Variants in NXN observed in about 807,000 individuals in gnomAD.
The protein encoded by NXN is nucleoredoxin 1.
Under a neutral mutation model 48.6 loss-of-function variants are expected in NXN, and 16 were observed. That is an observed-to-expected ratio of 0.33 (90% CI 0.22 to 0.50). NXN has a LOEUF of 0.50. Among genes scored for constraint, NXN ranks in the 20% least tolerant of loss-of-function variants. The probability of loss-of-function intolerance (pLI) is 0.98; values close to 1 mark genes in which losing one functional copy is unlikely to be tolerated. For missense variants in NXN, 492 were observed against 605.5 expected (o/e 0.81, Z 1.97); for synonymous variants, 281 against 269.6 (o/e 1.04, Z -0.41).
At position 823,819 on chromosome 17, in the gene NXN, G is replaced by C; in HGVS notation, c.479-54C>G. 3.1e-6 allele frequency: 5 copies of C among 1,602,074 alleles called. No individual in the cohort carries two copies. The South Asian group carries it at 5.5e-5, about 18-fold the overall frequency. On this transcript the variant is annotated intron_variant, in intron 2 of 7. Transcript: ENST00000336868. ...GGCTTAGACCCTTCTTGATGACCTG[G>C]GACCCAGGAGACTTCAGAGCGGTTA... is the stretch of plus-strand genomic sequence containing the variant.
At chr17:875,596 GTGTTTT>G (rs1298973278) in intron 1 of NXN, among the ~76,000 whole-genome samples, 1 of 151,600 alleles carries the variant, frequency 6.6e-6, no homozygotes, top group African/African-American at 2.4e-5. Flanking sequence ...TTTGGTTGTG[GTGTTTT>G]TGTTTTTGTT....
rs190460591 is a variant in NXN, at chr17:919,955, C to A, written c.360+59364G>T. Among the ~76,000 whole-genome samples, 2 of 151,712 alleles carry A rather than the reference C, an allele frequency of 1.3e-5. No individual in the cohort carries two copies. Among genetic ancestry groups the A allele is most frequent in the Non-Finnish European group, 3.0e-5 (2 of 67,604 alleles). On this transcript the variant is annotated intron_variant, in intron 1 of 7. Coordinates refer to ENST00000336868, the MANE Select transcript of NXN (RefSeq NM_022463.5). This position sits in a 1 kb window ranked among gnomAD's most constrained non-coding sequence, Gnocchi z 5.1. ...CCATCTCTCTCTGCCTCAGCCCCCA[C>A]CGGCACCCTTGGTGCCTTCATCACC...
At chr17:841,255 C>CA (rs1296866179) in intron 1 of NXN, among the ~76,000 whole-genome samples, 1 of 152,226 alleles carries the variant, frequency 6.6e-6, no homozygotes, top group Non-Finnish European at 1.5e-5. Context: ...GCCAGGGCAA[C>CA]AGGCCCCGCA....
At chr17:863,215 G>A (rs2068059329) in intron 1 of NXN, among the ~76,000 whole-genome samples, 1 of 152,116 alleles carries the variant, frequency 6.6e-6, no homozygotes, top group African/African-American at 2.4e-5. Flanking sequence ...CTGTCACCTG[G>A]GCTGGAGTGC....
At chr17:802,856 T>G (rs1397957376) in intron 7 of NXN, among the ~76,000 whole-genome samples, 2 of 147,546 alleles carry the variant, frequency 1.4e-5, no homozygotes, top group African/African-American at 5.0e-5. Flanking sequence ...CAGCGTGAAA[T>G]CAGCACAGGG....
chr17:813,690 C>T (rs541208625), intron 5 of NXN, among the ~76,000 whole-genome samples: 4 of 152,156 alleles, frequency 2.6e-5, no homozygotes, highest in Non-Finnish European at 4.4e-5. Flanking sequence ...TACGGCCGGC[C>T]GGGCGCGGTG....
chr17:801,887 C>CAG (rs1232926991), intron 7 of NXN, among the ~76,000 whole-genome samples: 6 of 152,216 alleles, frequency 3.9e-5, no homozygotes, highest in African/African-American at 1.4e-4. Flanking sequence ...CCAACTCCCA[C>CAG]CCCTGTGGTT....
chr17:963,329 G>A (rs777847046), intron 1 of NXN, among the ~76,000 whole-genome samples: 41 of 152,028 alleles, frequency 2.7e-4, no homozygotes, highest in Non-Finnish European at 4.9e-4. Context: ...CGGGCTAGGC[G>A]CAGTGGCTCA....
At chr17:860,669 C>T (rs2068031697) in intron 1 of NXN, among the ~76,000 whole-genome samples, 2 of 152,284 alleles carry the variant, frequency 1.3e-5, no homozygotes, top group Admixed American at 6.5e-5. Context: ...GCTGGGATGA[C>T]AGGCGTGAGC....
At chr17:891,983 C>G (rs376036850) in intron 1 of NXN, among the ~76,000 whole-genome samples, 1 of 140,388 alleles carries the variant, frequency 7.1e-6, no homozygotes, top group Non-Finnish European at 1.5e-5. Context: ...AGGAACTAAG[C>G]TAACCCCACC....
intron 1 of NXN, among the ~76,000 whole-genome samples, chr17:877,437 C>G (rs1480822384): frequency 2.0e-5 from 3 of 152,186 alleles, no homozygotes; most frequent in African/African-American, 7.2e-5. Context: ...TGAGCCACCG[C>G]GCCCGGCCGC....
At chr17:870,881 CAG>C (rs1237558552) in intron 1 of NXN, among the ~76,000 whole-genome samples, 1 of 151,538 alleles carries the variant, frequency 6.6e-6, no homozygotes, top group Non-Finnish European at 1.5e-5. Flanking sequence ...ATTTTTGAGA[CAG>C]AGTCTCACTC....
At chr17:842,552 A>G in intron 1 of NXN, 1 of 985,406 alleles carries the variant, frequency 1.0e-6, no homozygotes, top group Non-Finnish European at 1.2e-6. Context: ...AGAGGCACCT[A>G]CGGCACATCC....
chr17:869,463 G>A (rs1355706080), intron 1 of NXN, among the ~76,000 whole-genome samples: 2 of 152,180 alleles, frequency 1.3e-5, no homozygotes, highest in Non-Finnish European at 2.9e-5. Flanking sequence ...ATTACGAGGT[G>A]GAAGAAGGAA....
intron 1 of NXN, among the ~76,000 whole-genome samples, chr17:945,487 C>T (rs180953111): frequency 0.012 from 1,879 of 150,322 alleles, 40 homozygotes; most frequent in African/African-American, 0.042. Flanking sequence ...AAAAATTAGC[C>T]GGGCGTGGTG....
chr17:969,944 C>T (rs1251014527), intron 1 of NXN, among the ~76,000 whole-genome samples: 1 of 152,138 alleles, frequency 6.6e-6, no homozygotes, highest in Non-Finnish European at 1.5e-5. Context: ...TTGAATTTAC[C>T]TGTAATTGGT....
intron 1 of NXN, among the ~76,000 whole-genome samples, chr17:850,100 G>A (rs561793461): frequency 3.3e-5 from 5 of 152,274 alleles, no homozygotes; most frequent in South Asian, 2.1e-4. Context: ...AGACAGGTAC[G>A]TGGGTCTGTG....
chr17:965,090 G>GT (rs1350610573), intron 1 of NXN, among the ~76,000 whole-genome samples: 2 of 152,116 alleles, frequency 1.3e-5, no homozygotes, highest in Admixed American at 1.3e-4. Context: ...ACTATTGGGC[G>GT]TATCTAGCCA....
Position 859,610 on chromosome 17 carries a change from C to T in NXN, c.361-33532G>A, listed in dbSNP as rs112540909. ...AAATACAAAACAACAGCTGCACGGA[C>T]GGGCCTGCCAGAGAAACAACTGATC... On this transcript the variant is annotated intron_variant, in intron 1 of 7. Coordinates refer to ENST00000336868, the MANE Select transcript of NXN (RefSeq NM_022463.5). 5.4e-3 allele frequency among the ~76,000 whole-genome samples: 827 copies of T among 152,256 alleles called. 7 individuals carry two copies. Among genetic ancestry groups the T allele is most frequent in the African/African-American group, 0.019 (792 of 41,538 alleles).
Sources: gnomAD v4.1 joint callset for allele counts (sites outside exome capture counted in the v4.1 genomes callset) on GRCh38, gnomAD v4.1.1 for gene constraint, Gnocchi (gnomAD v3.1) non-coding constraint, MANE v1.5 for transcripts, NCBI Gene and HGNC (gene_info 2026-07-23, HGNC 2026-07-21) for gene names.